Variants in TGFA observed in about 807,000 individuals in gnomAD.
The protein encoded by TGFA is protransforming growth factor alpha.
TGFA carries 12 observed loss-of-function variants against 21.7 expected under a neutral mutation model. The ratio of observed to expected loss-of-function variants is 0.55; its 90% confidence interval spans 0.35 to 0.90. TGFA has a LOEUF of 0.90. Ranked by LOEUF, TGFA falls within the 40% of genes least tolerant of loss-of-function variation. TGFA has a pLI of 0.01. For missense variants in TGFA, 178 were observed against 210.8 expected, an observed-to-expected ratio of 0.84 and a Z score of 0.96; for synonymous variants, 79 against 88.1, an observed-to-expected ratio of 0.90 and a Z score of 0.58.
At chr2:70,483,543 T>G (rs928201939) in intron 2 of TGFA, among the ~76,000 whole-genome samples, 14 of 152,364 alleles carry the variant, frequency 9.2e-5, no homozygotes, top group Non-Finnish European at 1.9e-4. Context: ...TCATATTTAC[T>G]ATGTTTGTTT....
rs567336832 is a variant in TGFA, at chr2:70,519,735, T to C, written c.41-4823A>G. On this transcript the variant is annotated intron_variant, in intron 1 of 5. Transcript: ENST00000295400. ...TGATCCAGCATTACCTGAAAGCTCA[T>C]AGGAATTTTCCATATCCATCTAAAC... Among the ~76,000 whole-genome samples, 7 of 152,376 alleles carry C rather than the reference T, an allele frequency of 4.6e-5. No individual in the cohort carries two copies. The East Asian group carries it at 5.8e-4, about 13-fold the overall frequency.
At chr2:70,490,903 T>C (rs1671414965) in intron 2 of TGFA, among the ~76,000 whole-genome samples, 6 of 151,710 alleles carry the variant, frequency 4.0e-5, no homozygotes, top group Admixed American at 3.9e-4. Context: ...TTAGTGCCTT[T>C]CCATTCAATT....
At chr2:70,520,497 G>A (rs1295327070) in intron 1 of TGFA, among the ~76,000 whole-genome samples, 1 of 151,438 alleles carries the variant, frequency 6.6e-6, no homozygotes, top group East Asian at 1.9e-4. Flanking sequence ...CTGGGTGACA[G>A]AGCGAGACTC....
intron 2 of TGFA, among the ~76,000 whole-genome samples, chr2:70,476,971 C>T (rs1017141535): frequency 5.9e-5 from 9 of 152,002 alleles, no homozygotes; most frequent in Admixed American, 2.0e-4. Flanking sequence ...AGAGAGTGGT[C>T]GAATTATACG....
At chr2:70,521,898 C>T (rs927505203) in intron 1 of TGFA, among the ~76,000 whole-genome samples, 5 of 152,028 alleles carry the variant, frequency 3.3e-5, no homozygotes, top group Admixed American at 2.6e-4. Context: ...CAGGCGCAGG[C>T]CACCGTACCG....
At chr2:70,472,036 A>C (rs1670766911) in intron 2 of TGFA, among the ~76,000 whole-genome samples, 2 of 149,346 alleles carry the variant, frequency 1.3e-5, no homozygotes, top group African/African-American at 5.0e-5. Context: ...ATCTCCCTTC[A>C]CTCTCCCTTT....
chr2:70,483,344 T>C (rs899646954), intron 2 of TGFA, among the ~76,000 whole-genome samples: 4 of 152,190 alleles, frequency 2.6e-5, no homozygotes, highest in Non-Finnish European at 2.9e-5. Flanking sequence ...CAGAAATGTA[T>C]TTGTCTTTTT....
At chr2:70,512,127 T>C (rs988430896) in intron 2 of TGFA, among the ~76,000 whole-genome samples, 1 of 152,146 alleles carries the variant, frequency 6.6e-6, no homozygotes, top group Admixed American at 6.5e-5. Flanking sequence ...ATAAGCCTGA[T>C]CTAGTCATAA....
At chr2:70,516,903 G>T (rs1380882701) in intron 1 of TGFA, among the ~76,000 whole-genome samples, 1 of 152,210 alleles carries the variant, frequency 6.6e-6, no homozygotes, top group Non-Finnish European at 1.5e-5. Context: ...TTCATGCCCT[G>T]TTCCTGCTCC....
chr2:70,551,332 A>C (rs1246292694), intron 1 of TGFA, among the ~76,000 whole-genome samples: 1 of 152,204 alleles, frequency 6.6e-6, no homozygotes. Context: ...CCACCACAGG[A>C]ACCTGGGTTA....
At chr2:70,461,099 T>C (rs1357827649) in intron 3 of TGFA, among the ~76,000 whole-genome samples, 1 of 152,202 alleles carries the variant, frequency 6.6e-6, no homozygotes, top group East Asian at 1.9e-4. Context: ...AGTATCCTCA[T>C]TTTGTGCACA....
chr2:70,456,509 A>G, intron 3 of TGFA, 21 bp from the exon 4 acceptor site: 1 of 1,588,638 alleles, frequency 6.3e-7, no homozygotes, highest in Non-Finnish European at 8.6e-7. Flanking sequence ...AAGGAACGTC[A>G]GTGCACTCTC....
At chr2:70,507,232 A>G (rs1671954453) in intron 2 of TGFA, among the ~76,000 whole-genome samples, 1 of 152,238 alleles carries the variant, frequency 6.6e-6, no homozygotes. Flanking sequence ...CTCAGTGCAC[A>G]CTGGCCAACA....
In TGFA at chr2:70,449,522, C is replaced by G. The variant is rs1669985153; in HGVS notation, c.*1337G>C. 1 of 198,224 alleles carries G rather than the reference C, an allele frequency of 5.0e-6. No individual in the cohort carries two copies. The highest frequency in any genetic ancestry group is 1.1e-5 in the Non-Finnish European group (1 of 92,380). The allele number at this position is 198,224 out of a possible 1,614,324, so 12.3% of individuals were successfully genotyped here. On this transcript the variant is annotated 3_prime_UTR_variant, in exon 6 of 6. Transcript: ENST00000295400. ...GGCAGGCCCCATGGGTCAGATGGAC[C>G]CAGATGCTCAGGGGAACAATTGCTC...
chr2:70,502,464 C>T (rs566742017), intron 2 of TGFA, among the ~76,000 whole-genome samples: 34 of 152,212 alleles, frequency 2.2e-4, no homozygotes, highest in African/African-American at 6.3e-4. Flanking sequence ...CTCAGCCTCC[C>T]GAGTAGCTGG....
At position 70,531,123 on chromosome 2, in the gene TGFA, G is replaced by A. The variant is rs144692146; in HGVS notation, c.41-16211C>T. On this transcript the variant is annotated intron_variant, in intron 1 of 5. Transcript: ENST00000295400. ...CCTCCCCTCTAAGAAAAGGTAGAAG[G>A]CAGTGTTCCTTCTGACTAAGAGCCA... 3.6e-3 allele frequency among the ~76,000 whole-genome samples: 553 copies of A among 152,302 alleles called. 2 individuals are homozygous for A. Among genetic ancestry groups the A allele is most frequent in the African/African-American group, 0.013 (524 of 41,566 alleles).
chr2:70,494,830 A>C (rs1178089751), intron 2 of TGFA, among the ~76,000 whole-genome samples: 1 of 152,162 alleles, frequency 6.6e-6, no homozygotes, highest in Non-Finnish European at 1.5e-5. Flanking sequence ...ATGTGTTAAA[A>C]TTTTTGTTAT....
intron 2 of TGFA, among the ~76,000 whole-genome samples, chr2:70,474,900 T>C (rs540018472): frequency 4.6e-5 from 7 of 152,184 alleles, no homozygotes; most frequent in African/African-American, 1.7e-4. Flanking sequence ...AACAAAGATA[T>C]TGGTAAAGAA....
At chr2:70,456,089 G>A (rs1366112509) in intron 4 of TGFA, among the ~76,000 whole-genome samples, 1 of 152,240 alleles carries the variant, frequency 6.6e-6, no homozygotes, top group East Asian at 1.9e-4. Context: ...CATGCCTTTG[G>A]TTCTGCACTG....
Sources: allele counts gnomAD v4.1 joint callset (sites outside exome capture counted in the v4.1 genomes callset), GRCh38; gene constraint gnomAD v4.1.1; transcripts MANE v1.5; gene names NCBI Gene and HGNC (gene_info 2026-07-23, HGNC 2026-07-21).